The following RAD51B variants were observed in gnomAD, a reference collection of about 807,000 sequenced individuals.
The protein encoded by RAD51B is DNA repair protein RAD51 homolog 2.
In RAD51B, 38 loss-of-function variants were observed where a neutral mutation model predicts 42.2. The ratio of observed to expected loss-of-function variants is 0.90; its 90% CI spans 0.70 to 1.18. RAD51B has a LOEUF of 1.18. Among genes scored for constraint, RAD51B ranks in the 50% most tolerant of loss-of-function variants. RAD51B has a pLI of 0.00. For missense variants in RAD51B, 373 were observed against 400.7 expected (o/e 0.93, Z 0.59); for synonymous variants, 154 against 145.2 (o/e 1.06, Z -0.43).
rs370221709 is a variant in RAD51B at position 68,194,445 on chromosome 14, A to G, written c.757-97439A>G. 4.6e-5 allele frequency among the ~76,000 whole-genome samples: 7 copies of G among 152,306 alleles called. No individual in the cohort carries two copies. The East Asian group carries it at 1.3e-3, about 29-fold the overall frequency. On this transcript the variant is annotated intron_variant, in intron 7 of 10. Transcript: ENST00000471583. ...GTGAAAATTGAATAGACAACTCTTA[A>G]CTATCAGGATCAACAAAAAAATGGT...
intron 7 of RAD51B, among the ~76,000 whole-genome samples, chr14:67,922,093 C>A (rs762295156): frequency 7.9e-5 from 12 of 152,216 alleles, no homozygotes; most frequent in Non-Finnish European, 5.9e-5. Context: ...GTCCTTCTTG[C>A]AGATATCTTC....
At chr14:67,984,844 T>G (rs1417611641) in intron 7 of RAD51B, among the ~76,000 whole-genome samples, 1 of 152,256 alleles carries the variant, frequency 6.6e-6, no homozygotes, top group African/African-American at 2.4e-5. Context: ...TCATCCTATA[T>G]ACATTTTACT....
At chr14:68,477,176 C>T (rs926765507) in intron 10 of RAD51B, among the ~76,000 whole-genome samples, 10 of 152,228 alleles carry the variant, frequency 6.6e-5, no homozygotes, top group African/African-American at 1.9e-4. Context: ...GAGGCCAAGT[C>T]TCCCCCACAG....
intron 7 of RAD51B, among the ~76,000 whole-genome samples, chr14:67,982,096 C>T (rs1440492102): frequency 2.0e-5 from 3 of 152,208 alleles, no homozygotes; most frequent in Middle Eastern, 3.4e-3. Context: ...ACCACCATGC[C>T]TGGCTGTTTT....
intron 7 of RAD51B, among the ~76,000 whole-genome samples, chr14:68,228,544 AT>A (rs1388385777): frequency 6.6e-6 from 1 of 151,758 alleles, no homozygotes; most frequent in South Asian, 2.1e-4. Context: ...AACATCTTTG[AT>A]TTTTTTTTAA....
intron 10 of RAD51B, among the ~76,000 whole-genome samples, chr14:68,475,687 C>T (rs1566905191): frequency 6.6e-6 from 1 of 151,700 alleles, no homozygotes; most frequent in African/African-American, 2.4e-5. Flanking sequence ...CCTACCTCCA[C>T]TTTTAAAAAA....
chr14:68,465,064 T>C (rs1016741108), intron 9 of RAD51B, among the ~76,000 whole-genome samples: 5 of 152,202 alleles, frequency 3.3e-5, no homozygotes, highest in Admixed American at 3.3e-4. Context: ...CATTGAAATA[T>C]TACATTCTTT....
chr14:68,615,272 C>G (rs1025877270), downstream of RAD51B, among the ~76,000 whole-genome samples: 1 of 152,070 alleles, frequency 6.6e-6, no homozygotes, highest in African/African-American at 2.4e-5. Context: ...TAACTTTTGT[C>G]AGTTTTTGAT....
At chr14:68,029,624 T>G (rs2076009425) in intron 7 of RAD51B, among the ~76,000 whole-genome samples, 1 of 152,240 alleles carries the variant, frequency 6.6e-6, no homozygotes, top group African/African-American at 2.4e-5. Context: ...CTTCCTTCAC[T>G]GGAGTCTTAA....
intron 10 of RAD51B, among the ~76,000 whole-genome samples, chr14:68,511,022 G>A (rs1215316300): frequency 6.6e-6 from 1 of 152,090 alleles, no homozygotes; most frequent in Non-Finnish European, 1.5e-5. Flanking sequence ...CCAGAGAGAT[G>A]CTCATCTAAA....
chr14:68,008,340 A>T (rs1224916172), intron 7 of RAD51B, among the ~76,000 whole-genome samples: 1 of 151,994 alleles, frequency 6.6e-6, no homozygotes, highest in African/African-American at 2.4e-5. Flanking sequence ...AGTGAAAAGT[A>T]GTAAGATACA....
chr14:68,395,227 C>A (rs2083881415), intron 8 of RAD51B, among the ~76,000 whole-genome samples: 1 of 152,200 alleles, frequency 6.6e-6, no homozygotes, highest in Admixed American at 6.5e-5. Flanking sequence ...TTGCCCGATT[C>A]CTATGAAATT....
At chr14:68,584,545 C>T (rs889798196) in intron 10 of RAD51B, among the ~76,000 whole-genome samples, 15 of 152,212 alleles carry the variant, frequency 9.9e-5, no homozygotes, top group Non-Finnish European at 2.2e-4. Flanking sequence ...TGTTTCCTCA[C>T]CTCCAGCCAG....
chr14:68,006,814 G>A (rs749773429), intron 7 of RAD51B, among the ~76,000 whole-genome samples: 1 of 152,066 alleles, frequency 6.6e-6, no homozygotes, highest in Non-Finnish European at 1.5e-5. Context: ...CTGGGCTGAT[G>A]ATAGAGTATT....
intron 7 of RAD51B, among the ~76,000 whole-genome samples, chr14:67,954,233 C>T (rs1342954527): frequency 6.6e-6 from 1 of 152,178 alleles, no homozygotes; most frequent in Non-Finnish European, 1.5e-5. Context: ...CAGAGGCTTA[C>T]ATTCTCAATG....
chr14:68,310,787 G>A (rs1158374527), intron 8 of RAD51B, among the ~76,000 whole-genome samples: 1 of 152,190 alleles, frequency 6.6e-6, no homozygotes, highest in Non-Finnish European at 1.5e-5. Context: ...AGAGGTTTCA[G>A]TAAGCAGAGA....
At chr14:68,243,230 T>C (rs2080429164) in intron 7 of RAD51B, among the ~76,000 whole-genome samples, 1 of 152,186 alleles carries the variant, frequency 6.6e-6, no homozygotes, top group Admixed American at 6.5e-5. Flanking sequence ...ATGATATTTC[T>C]CTTTTTTTCT....
chr14:68,310,706 G>A (rs926327050), intron 8 of RAD51B, among the ~76,000 whole-genome samples: 1 of 152,120 alleles, frequency 6.6e-6, no homozygotes, highest in African/African-American at 2.4e-5. Context: ...TTAGCTGGGT[G>A]TGGTGGTGCA....
At chr14:68,168,977 A>G (rs2078811878) in intron 7 of RAD51B, among the ~76,000 whole-genome samples, 1 of 152,166 alleles carries the variant, frequency 6.6e-6, no homozygotes, top group South Asian at 2.1e-4. Flanking sequence ...TCCAGGTCCT[A>G]GGACATAAGC....
Sources: allele counts gnomAD v4.1 joint callset (sites outside exome capture counted in the v4.1 genomes callset), GRCh38; gene constraint gnomAD v4.1.1; transcripts MANE v1.5; gene names NCBI Gene and HGNC (gene_info 2026-07-23, HGNC 2026-07-21).